The following TOR3A variants were observed in gnomAD, a reference collection of about 807,000 sequenced individuals.
TOR3A encodes the protein torsin-3A.
TOR3A carries 44 observed loss-of-function variants against 42.1 expected under a neutral mutation model. The ratio of observed to expected loss-of-function variants is 1.04; its 90% confidence interval spans 0.82 to 1.34. The LOEUF (loss-of-function observed/expected upper bound fraction) is 1.34, where lower values mean the gene tolerates loss of function less well. TOR3A is among the 40% of genes most tolerant of loss of function. TOR3A has a pLI of 0.00. For synonymous variants in TOR3A, 227 were observed against 213.2 expected (o/e 1.06, Z -0.57); for missense variants, 521 against 507.6 (o/e 1.03, Z -0.25).
Position 179,082,203 on chromosome 1 carries a change from C to A in TOR3A, c.75C>A (p.Gly25=), listed in dbSNP as rs771184421. The A allele has an allele frequency of 3.3e-6, 5 of 1,501,778 alleles. No individual in the cohort carries two copies. The South Asian group carries it at 6.3e-5, about 19-fold the overall frequency. The allele number at this position is 1,501,778 out of a possible 1,614,324, so 93.0% of individuals were successfully genotyped here. Residue 25 remains glycine (G), a synonymous_variant, in exon 1 of 6, where the codon GGC becomes GGA. Coordinates refer to ENST00000367627, the MANE Select transcript of TOR3A (RefSeq NM_022371.4). The part of the protein sequence containing the change: ...LLLPGAPEPR[G]ASRPWEGTDE... ...TCCCGGGCGCGCCTGAGCCCCGCGGCGCCTCCAGGCCGTGGGAGGGAACCG... is the reference window on the plus strand; with the variant it reads ...TCCCGGGCGCGCCTGAGCCCCGCGGAGCCTCCAGGCCGTGGGAGGGAACCG...
At chr1:179,093,024 G>A (rs945065733) in intron 4 of TOR3A, among the ~76,000 whole-genome samples, 1 of 152,134 alleles carries the variant, frequency 6.6e-6, no homozygotes, top group African/African-American at 2.4e-5. Context: ...AAAGCACGGG[G>A]AAGTGCAAGT....
At position 179,082,137 on chromosome 1, in the gene TOR3A, C is replaced by A. The variant is rs759604813; in HGVS notation, c.9C>A (p.Arg3=). Residue 3 remains arginine, a synonymous_variant, in exon 1 of 6, where the codon CGC becomes CGA. Coordinates refer to ENST00000367627, the MANE Select transcript of TOR3A (RefSeq NM_022371.4). ...GCAGCTCGGGGCCGGCCATGCTTCG[C>A]GGTCCGTGGCGCCAGCTTTGGCTCT... ML[R]GPWRQLWLFF... The A allele has an allele frequency of 6.7e-7, 1 of 1,499,756 alleles. No individual in the cohort carries two copies. Among genetic ancestry groups the A allele is most frequent in the Non-Finnish European group, 8.8e-7 (1 of 1,135,450 alleles). The allele number at this position is 1,499,756 out of a possible 1,614,324, so 92.9% of individuals were successfully genotyped here.
In TOR3A at chr1:179,085,621, T is replaced by G; in HGVS notation, c.374-7T>G. The G allele has an allele frequency of 1.2e-6, 2 of 1,613,482 alleles. No individual in the cohort carries two copies. The highest frequency in any genetic ancestry group is 1.7e-6 in the Non-Finnish European group (2 of 1,179,480). Reference sequence around the variant, plus strand: ...TTTTGCTGTGACTACCTCTTTCCTGTCCTTAGGCTTAGAGTGGGACCTGAA... The same window carrying G: ...TTTTGCTGTGACTACCTCTTTCCTGGCCTTAGGCTTAGAGTGGGACCTGAA... On this transcript the variant is annotated splice_polypyrimidine_tract_variant and splice_region_variant and intron_variant, in intron 2 of 5. Coordinates refer to ENST00000367627, the MANE Select transcript of TOR3A (RefSeq NM_022371.4).
chr1:179,092,856 T>C (rs1033587140), intron 4 of TOR3A, among the ~76,000 whole-genome samples: 6 of 147,024 alleles, frequency 4.1e-5, no homozygotes, highest in Non-Finnish European at 7.5e-5. Context: ...AAAAAAAAAA[T>C]AGCTGGGTAG....
At position 179,082,208 on chromosome 1, in the gene TOR3A, C is replaced by A; in HGVS notation, c.80C>A (p.Ser27Tyr). Residue 27 changes from serine to tyrosine, a missense_variant, in exon 1 of 6, where the codon TCC becomes TAC. Ser to Tyr is a moderately radical substitution (Grantham distance 144). Coordinates refer to ENST00000367627, the MANE Select transcript of TOR3A (RefSeq NM_022371.4). The stretch of plus-strand genomic sequence containing the variant: ...GGCGCGCCTGAGCCCCGCGGCGCCT[C>A]CAGGCCGTGGGAGGGAACCGACGAG... ...LPGAPEPRGASRPWEGTDEPG... is the reference protein window; with the variant it reads ...LPGAPEPRGAYRPWEGTDEPG... The A allele has an allele frequency of 6.6e-7, 1 of 1,509,108 alleles. No homozygotes were observed. The highest frequency in any genetic ancestry group is 1.2e-5 in the South Asian group (1 of 80,736). The allele number at this position is 1,509,108 out of a possible 1,614,324, so 93.5% of individuals were successfully genotyped here.
chr1:179,082,899 C>A, intron 1 of TOR3A, 41 bp from the exon 2 acceptor site: 2 of 1,367,330 alleles, frequency 1.5e-6, no homozygotes, highest in Non-Finnish European at 1.0e-6. Context: ...TGTAGAGCAC[C>A]GGATGGTCTC....
intron 3 of TOR3A, 91 bp from the exon 4 acceptor site, chr1:179,087,820 T>G: frequency 3.2e-6 from 4 of 1,265,072 alleles, no homozygotes; most frequent in Admixed American, 2.9e-5. Flanking sequence ...CCCCAGGGGG[T>G]CCATTGCACA....
intron 3 of TOR3A, 127 bp from the exon 4 acceptor site, chr1:179,087,784 C>CG (rs1182208942): frequency 7.5e-6 from 6 of 804,686 alleles, no homozygotes; most frequent in East Asian, 3.0e-5. Flanking sequence ...TAGGTTCTGG[C>CG]GGGGGGCGGG....
In TOR3A at chr1:179,095,046, G is replaced by C; in HGVS notation, c.1022G>C (p.Arg341Pro). 5.0e-6 allele frequency: 8 copies of C among 1,614,172 alleles called. No individual in the cohort carries two copies. The highest frequency in any genetic ancestry group is 6.8e-6 in the Non-Finnish European group (8 of 1,180,042). The part of the protein sequence containing the change: ...YFIPFLPLEY[R>P]HVRLCARDAF... ...ATCCCCTTCCTGCCTTTGGAGTACC[G>C]TCACGTGAGGCTGTGTGCACGGGAT... Residue 341 changes from arginine to proline, a missense_variant, in exon 6 of 6, where the codon CGT (arginine) becomes CCT (proline). By Grantham distance (103) the Arg-to-Pro change is moderately radical (BLOSUM62 -2). Coordinates refer to ENST00000367627, the MANE Select transcript of TOR3A (RefSeq NM_022371.4).
intron 5 of TOR3A, 117 bp from the exon 6 acceptor site, chr1:179,094,851 C>T (rs1652690032): frequency 4.1e-6 from 4 of 987,552 alleles, no homozygotes; most frequent in South Asian, 1.4e-5. Context: ...GCACTCCAGC[C>T]TGGTTGACAG....
chr1:179,094,146 GATGGTC>G lies in TOR3A; in HGVS notation c.873_878del (p.Trp292_Ser293del), dbSNP rs1331281239. 4.3e-6 allele frequency: 7 copies of G among 1,614,098 alleles called. No homozygotes were observed. The highest frequency in any genetic ancestry group is 5.9e-6 in the Non-Finnish European group (7 of 1,179,982). On this transcript the variant is annotated inframe_deletion, in exon 5 of 6. Coordinates refer to ENST00000367627, the MANE Select transcript of TOR3A (RefSeq NM_022371.4). ...GTGGTCCTAAAGTTGCTCAAGGCTGGATGGTCCCGGGAAGAAATTACGATGGAACAC... is the reference window on the plus strand; with the variant it reads ...GTGGTCCTAAAGTTGCTCAAGGCTGGCCGGGAAGAAATTACGATGGAACAC...
chr1:179,083,674 G>T (rs1012907297), intron 2 of TOR3A, among the ~76,000 whole-genome samples: 1 of 151,030 alleles, frequency 6.6e-6, no homozygotes, highest in African/African-American at 2.4e-5. Flanking sequence ...CTCCAAGAGT[G>T]CTGTGATTAC....
At chr1:179,092,365 C>T (rs1238258208) in intron 4 of TOR3A, among the ~76,000 whole-genome samples, 2 of 152,054 alleles carry the variant, frequency 1.3e-5, no homozygotes, top group Admixed American at 1.3e-4. Flanking sequence ...TACTGGTTCC[C>T]CACTCCTTAA....
chr1:179,095,788 T>C lies in TOR3A; in HGVS notation c.*570T>C. ...TACTTCCAGAGGAAAGCCAAGCTGC[T>C]TCTGTTGTGAGCGAATCAGCCAAGA... On this transcript the variant is annotated 3_prime_UTR_variant, in exon 6 of 6. Coordinates refer to ENST00000367627, the MANE Select transcript of TOR3A (RefSeq NM_022371.4). 1.0e-6 allele frequency: 1 copy of C among 988,692 alleles called. No homozygotes were observed. The highest frequency in any genetic ancestry group is 1.2e-6 in the Non-Finnish European group (1 of 832,196). 61.2% of individuals were successfully genotyped at this position (988,692 alleles called of 1,614,324 possible).
chr1:179,091,411 C>T (rs937640272), intron 4 of TOR3A, among the ~76,000 whole-genome samples: 1 of 152,010 alleles, frequency 6.6e-6, no homozygotes, highest in Non-Finnish European at 1.5e-5. Flanking sequence ...AGGGGCGGCG[C>T]GTAGAGAGGG....
rs779016915 is a variant in TOR3A at position 179,095,175 on chromosome 1, G to A, written c.1151G>A (p.Gly384Asp). Reference sequence around the variant, plus strand: ...GAGGAACAACTCTTTTCTTCCCAGGGCTGCAAGTCTATTTCCCAGAGGATT... The same window carrying A: ...GAGGAACAACTCTTTTCTTCCCAGGACTGCAAGTCTATTTCCCAGAGGATT... ...PKEEQLFSSQ[G>D]CKSISQRINY... Residue 384 changes from glycine (G) to aspartate (D), a missense_variant, in exon 6 of 6, where the codon GGC (glycine) becomes GAC (aspartate). Transcript: ENST00000367627. The A allele has an allele frequency of 1.9e-6, 3 of 1,614,096 alleles. No individual in the cohort carries two copies. The South Asian group carries it at 3.3e-5, about 18-fold the overall frequency.
Position 179,094,159 on chromosome 1 carries a change from AGAAATTACGAT to A in TOR3A, c.887_897del (p.Glu296GlyfsTer31). The stretch of plus-strand genomic sequence containing the variant: ...TGCTCAAGGCTGGATGGTCCCGGGA[AGAAATTACGAT>A]GGAACACCTGGAGCCCCACCTCCAG... On this transcript the variant is annotated frameshift_variant, in exon 5 of 6. Transcript: ENST00000367627. LOFTEE classifies it high-confidence loss of function. 2 of 1,614,132 alleles carry A rather than the reference AGAAATTACGAT, an allele frequency of 1.2e-6. No individual in the cohort carries two copies. Among genetic ancestry groups the A allele is most frequent in the Non-Finnish European group, 1.7e-6 (2 of 1,179,988 alleles).
At chr1:179,083,600 C>T (rs765069852) in intron 2 of TOR3A, among the ~76,000 whole-genome samples, 3,257 of 87,348 alleles carry the variant, frequency 0.037, 415 homozygotes, top group Non-Finnish European at 0.064. Context: ...GGGGGGGGGG[C>T]GGGTTTCACC....
chr1:179,094,877 C>A, intron 5 of TOR3A, 91 bp from the exon 6 acceptor site: 1 of 1,307,620 alleles, frequency 7.6e-7, no homozygotes, highest in Non-Finnish European at 1.1e-6. Flanking sequence ...GCCCCTGTTT[C>A]AAAGAAACCA....
Sources: allele counts gnomAD v4.1 joint callset (sites outside exome capture counted in the v4.1 genomes callset), GRCh38; gene constraint gnomAD v4.1.1; transcripts MANE v1.5; gene names NCBI Gene and HGNC (gene_info 2026-07-23, HGNC 2026-07-21).